Variants in SCHIP1 observed in about 807,000 individuals in gnomAD.
The protein encoded by SCHIP1 is schwannomin interacting protein 1.
In SCHIP1, 8 loss-of-function variants were observed where a neutral mutation model predicts 29.7. The ratio of observed to expected loss-of-function variants is 0.27; its 90% CI spans 0.16 to 0.49. SCHIP1 has a LOEUF of 0.49. SCHIP1 is among the 20% of genes least tolerant of loss of function. The pLI is 0.99. For missense variants in SCHIP1, 193 were observed against 294.6 expected, an observed-to-expected ratio of 0.66 and a Z score of 2.52; for synonymous variants, 76 against 94.9, an observed-to-expected ratio of 0.80 and a Z score of 1.16.
the SCHIP1 span, chr3:159,765,089 G>T: frequency 6.4e-7 from 1 of 1,571,254 alleles, no homozygotes. Flanking sequence ...CTGCAGTTCC[G>T]GGAGCAGGAG....
At chr3:159,868,510 C>T (rs13323195) in intron 2 of SCHIP1, among the ~76,000 whole-genome samples, 15,113 of 152,030 alleles carry the variant, frequency 0.099, 1,011 homozygotes, top group African/African-American at 0.18. Context: ...CATTATTCAT[C>T]GCTTCTCAGC....
At chr3:159,352,159 G>A in the SCHIP1 span, among the ~76,000 whole-genome samples, 1 of 152,154 alleles carries the variant, frequency 6.6e-6, no homozygotes, top group East Asian at 1.9e-4. Context: ...GCTGTAGCAG[G>A]CATCACGATG....
the SCHIP1 span, chr3:159,387,504 A>G: frequency 1.6e-3 from 259 of 162,834 alleles, no homozygotes; most frequent in Middle Eastern, 8.3e-3. Context: ...TTGGTGTTCT[A>G]TCAGACAGGC....
the SCHIP1 span, chr3:159,387,301 G>A: frequency 3.5e-5 from 10 of 288,888 alleles, no homozygotes; most frequent in South Asian, 3.3e-4. Context: ...CTTGAGGGAT[G>A]CCCCCAGGAA....
At chr3:159,494,034 A>G in the SCHIP1 span, among the ~76,000 whole-genome samples, 51 of 152,342 alleles carry the variant, frequency 3.3e-4, no homozygotes, top group South Asian at 5.6e-3. Context: ...GGCAGAAATA[A>G]AGATGTTCTT....
the SCHIP1 span, among the ~76,000 whole-genome samples, chr3:159,502,467 G>A: frequency 6.7e-6 from 1 of 148,330 alleles, no homozygotes; most frequent in Non-Finnish European, 1.5e-5. Context: ...ACCAAAATCA[G>A]CTTCATTTCT....
chr3:159,426,132 A>G, the SCHIP1 span, among the ~76,000 whole-genome samples: 2 of 152,138 alleles, frequency 1.3e-5, no homozygotes, highest in African/African-American at 4.8e-5. Context: ...AATTAAAAGA[A>G]CTAGAAAAGC....
chr3:159,545,963 T>G, the SCHIP1 span, among the ~76,000 whole-genome samples: 1 of 151,978 alleles, frequency 6.6e-6, no homozygotes, highest in Non-Finnish European at 1.5e-5. Flanking sequence ...TGAATTTTTT[T>G]GTGTAGAGGT....
chr3:159,535,339 G>T, the SCHIP1 span, among the ~76,000 whole-genome samples: 6 of 152,220 alleles, frequency 3.9e-5, no homozygotes, highest in Admixed American at 6.5e-5. Context: ...CTATTCAAAA[G>T]ATCTCTCAGG....
the SCHIP1 span, among the ~76,000 whole-genome samples, chr3:159,650,538 C>T: frequency 6.6e-6 from 1 of 152,052 alleles, no homozygotes; most frequent in Non-Finnish European, 1.5e-5. Flanking sequence ...GATTAATTGG[C>T]AGTATTAGGA....
At chr3:159,752,455 A>G in the SCHIP1 span, among the ~76,000 whole-genome samples, 2 of 152,098 alleles carry the variant, frequency 1.3e-5, no homozygotes, top group African/African-American at 4.8e-5. Flanking sequence ...ATAAAGAAAT[A>G]CTGGAGACTG....
At chr3:159,870,983 A>G (rs557171668) in intron 2 of SCHIP1, among the ~76,000 whole-genome samples, 1 of 152,250 alleles carries the variant, frequency 6.6e-6, no homozygotes, top group Admixed American at 6.5e-5. Context: ...ATAATATTAT[A>G]CATACTTTTT....
the SCHIP1 span, among the ~76,000 whole-genome samples, chr3:159,387,978 C>A: frequency 6.6e-6 from 1 of 152,002 alleles, no homozygotes; most frequent in African/African-American, 2.4e-5. Flanking sequence ...AATAGAAGAG[C>A]TATTAGAAAC....
chr3:159,722,668 C>T, the SCHIP1 span, among the ~76,000 whole-genome samples: 3 of 152,078 alleles, frequency 2.0e-5, no homozygotes, highest in Non-Finnish European at 2.9e-5. Flanking sequence ...TGCTTGTATG[C>T]ATATCATTTT....
the SCHIP1 span, among the ~76,000 whole-genome samples, chr3:159,737,104 G>T: frequency 6.6e-6 from 1 of 152,158 alleles, no homozygotes; most frequent in Non-Finnish European, 1.5e-5. Context: ...TCCTGTCTAT[G>T]GGAAATTTCC....
the SCHIP1 span, among the ~76,000 whole-genome samples, chr3:159,664,080 TAATGGAAGC>T: frequency 6.6e-6 from 1 of 152,178 alleles, no homozygotes; most frequent in Non-Finnish European, 1.5e-5. Flanking sequence ...TGACAGGATT[TAATGGAAGC>T]AATGGAAGCC....
the SCHIP1 span, among the ~76,000 whole-genome samples, chr3:159,718,565 A>C: frequency 1.3e-5 from 2 of 152,222 alleles, no homozygotes; most frequent in Non-Finnish European, 2.9e-5. Context: ...TGCAAAAATC[A>C]CAAGCATTCT....
the SCHIP1 span, among the ~76,000 whole-genome samples, chr3:159,379,507 G>A: frequency 1.3e-5 from 2 of 152,230 alleles, no homozygotes; most frequent in African/African-American, 2.4e-5. Flanking sequence ...ACAGGCGTGA[G>A]CCACCTTGCC....
At chr3:159,466,497 A>C in the SCHIP1 span, among the ~76,000 whole-genome samples, 11,061 of 152,170 alleles carry the variant, frequency 0.073, 493 homozygotes, top group Middle Eastern at 0.092. Context: ...AGCCCTGAAA[A>C]GGTACCTATC....
Sources: gnomAD v4.1 joint callset for allele counts (sites outside exome capture counted in the v4.1 genomes callset) on GRCh38, gnomAD v4.1.1 for gene constraint, MANE v1.5 for transcripts, NCBI Gene and HGNC (gene_info 2026-07-23, HGNC 2026-07-21) for gene names.